ROCK1: variants seen among roughly 807,000 people sequenced by gnomAD.
ROCK1 encodes the protein Rho associated coiled-coil containing protein kinase 1, also known as rho-associated protein kinase 1.
In ROCK1, 36 loss-of-function variants were observed where a neutral mutation model predicts 196.8. That is an observed-to-expected ratio of 0.18 (90% confidence interval 0.14 to 0.24). ROCK1 has a LOEUF of 0.24. Ranked by LOEUF, ROCK1 falls within the 10% of genes least tolerant of loss-of-function variation. ROCK1 has a pLI of 1.00. For synonymous variants in ROCK1, 443 were observed against 515.9 expected (o/e 0.86, Z 1.91); for missense variants, 920 against 1,562.0 (o/e 0.59, Z 6.93).
In ROCK1 at chr18:21,005,215, T is replaced by C. The variant is rs2035758580; in HGVS notation, c.1885+1136A>G. ...CTGAATTTTATTACTATTTAAAAAC[T>C]GTTCATTTATTCACTTAGTTATACT... On this transcript the variant is annotated intron_variant, in intron 16 of 32. Transcript: ENST00000399799. 1.3e-5 allele frequency among the ~76,000 whole-genome samples: 2 copies of C among 152,246 alleles called. 1 individual carries two copies. The highest frequency in any genetic ancestry group is 4.1e-4 in the South Asian group (2 of 4,836).
intron 16 of ROCK1, among the ~76,000 whole-genome samples, chr18:21,001,010 A>G (rs1027634274): frequency 1.3e-4 from 20 of 152,246 alleles, no homozygotes; most frequent in African/African-American, 4.8e-4. Context: ...ATCAATCCAC[A>G]GTAATATTCT....
intron 13 of ROCK1, 50 bp from the exon 14 acceptor site, chr18:21,008,244 T>G (rs2035785329): frequency 7.5e-7 from 1 of 1,325,380 alleles, no homozygotes; most frequent in Non-Finnish European, 1.0e-6. Context: ...CTCTGGTCAT[T>G]CATTCAAGTG....
chr18:21,084,771 C>T (rs1479783256), intron 1 of ROCK1, among the ~76,000 whole-genome samples: 2 of 152,098 alleles, frequency 1.3e-5, no homozygotes, highest in African/African-American at 2.4e-5. Context: ...CCAAAGGAAC[C>T]GAAAGAAGGG....
chr18:21,027,824 C>T (rs1309787771), intron 10 of ROCK1, among the ~76,000 whole-genome samples: 2 of 128,920 alleles, frequency 1.6e-5, no homozygotes, highest in Admixed American at 9.0e-5. Flanking sequence ...TGCAGTGGCG[C>T]GATCTCGGCT....
At chr18:20,957,524 G>C (rs142627136) in intron 29 of ROCK1, among the ~76,000 whole-genome samples, 3 of 148,560 alleles carry the variant, frequency 2.0e-5, no homozygotes, top group African/African-American at 5.0e-5. Context: ...TCTGTCACCC[G>C]GGCTGCAGTG....
intron 2 of ROCK1, among the ~76,000 whole-genome samples, chr18:21,057,246 G>C (rs2036251747): frequency 6.6e-6 from 1 of 152,172 alleles, no homozygotes. Context: ...CTAAGATTCA[G>C]AGAAGTGAAA....
At chr18:20,977,919 C>T (rs2143380303) in intron 22 of ROCK1, among the ~76,000 whole-genome samples, 1 of 152,248 alleles carries the variant, frequency 6.6e-6, no homozygotes, top group East Asian at 1.9e-4. Flanking sequence ...TTTGTGTCTA[C>T]CTTAGCTTCC....
chr18:21,058,406 T>C (rs769753424), intron 2 of ROCK1, among the ~76,000 whole-genome samples: 2 of 152,168 alleles, frequency 1.3e-5, no homozygotes, highest in Non-Finnish European at 2.9e-5. Context: ...TTTTTAAATG[T>C]CACAATAGGT....
chr18:21,028,998 T>C (rs2035984395), intron 9 of ROCK1, 63 bp from the exon 10 acceptor site: 1 of 1,484,632 alleles, frequency 6.7e-7, no homozygotes, highest in Non-Finnish European at 9.2e-7. Flanking sequence ...GTGAAGCACA[T>C]TCCATACCAA....
At chr18:21,102,275 T>A (rs560419687) in intron 1 of ROCK1, among the ~76,000 whole-genome samples, 1 of 152,314 alleles carries the variant, frequency 6.6e-6, no homozygotes, top group East Asian at 1.9e-4. Flanking sequence ...CAGCCTCATA[T>A]CTGAAAACTA....
At chr18:21,080,738 T>C (rs2036476074) in intron 1 of ROCK1, among the ~76,000 whole-genome samples, 3 of 152,186 alleles carry the variant, frequency 2.0e-5, no homozygotes, top group Admixed American at 6.5e-5. Context: ...GTTAAAAAAA[T>C]GGTTAACAGA....
At position 20,971,023 on chromosome 18, in the gene ROCK1, T is replaced by A. The variant is rs569291651; in HGVS notation, c.2655-510A>T. On this transcript the variant is annotated intron_variant, in intron 22 of 32. Coordinates refer to ENST00000399799, the MANE Select transcript of ROCK1 (RefSeq NM_005406.3). ...AATTAAATGAGATTATGAAAACTTATAAGAGATTTGCAAATCACTACAAAC... is the reference window on the plus strand; with the variant it reads ...AATTAAATGAGATTATGAAAACTTAAAAGAGATTTGCAAATCACTACAAAC... Among the ~76,000 whole-genome samples, 11 of 152,264 alleles carry A rather than the reference T, an allele frequency of 7.2e-5. No individual in the cohort carries two copies. In the East Asian group the frequency reaches 1.9e-3, roughly 27 times the overall value.
chr18:21,049,724 A>G, intron 3 of ROCK1, 56 bp downstream of exon 3: 1 of 1,038,082 alleles, frequency 9.6e-7, no homozygotes, highest in Non-Finnish European at 1.5e-6. Flanking sequence ...TTAAACACAC[A>G]AGTGGATTAT....
intron 10 of ROCK1, among the ~76,000 whole-genome samples, chr18:21,028,414 G>A (rs918909704): frequency 7.3e-5 from 11 of 151,724 alleles, no homozygotes; most frequent in South Asian, 4.2e-4. Flanking sequence ...AGACTCCATC[G>A]TGGAAAAAAA....
At chr18:21,110,465 GATTAAC>G (rs2036740973) in intron 1 of ROCK1, among the ~76,000 whole-genome samples, 1 of 152,182 alleles carries the variant, frequency 6.6e-6, no homozygotes, top group Admixed American at 6.5e-5. Flanking sequence ...GGATCAGAAA[GATTAAC>G]ATTAATTACT....
At chr18:21,043,367 T>TA (rs979594700) in intron 6 of ROCK1, among the ~76,000 whole-genome samples, 9 of 151,990 alleles carry the variant, frequency 5.9e-5, no homozygotes, top group African/African-American at 2.2e-4. Context: ...TGTTAGCTGT[T>TA]ACCTATATTC....
chr18:21,066,428 G>A (rs1198223004), intron 2 of ROCK1, among the ~76,000 whole-genome samples: 1 of 151,964 alleles, frequency 6.6e-6, no homozygotes, highest in Non-Finnish European at 1.5e-5. Context: ...ATTACTAAAT[G>A]AGCATTAAAC....
chr18:21,034,908 A>G (rs986191746), intron 9 of ROCK1, among the ~76,000 whole-genome samples: 3 of 152,150 alleles, frequency 2.0e-5, no homozygotes, highest in African/African-American at 7.2e-5. Flanking sequence ...TTTTTAAAGA[A>G]CTCCTATAAC....
In ROCK1 at chr18:21,104,790, C is replaced by T. The variant is rs185380420; in HGVS notation, c.93+6028G>A. ...ATTAGTTCCCAATTGCCTTTTATAT[C>T]CAACTAAACCCTTGGCACAAAGTAT... On this transcript the variant is annotated intron_variant, in intron 1 of 32. Transcript: ENST00000399799. Among the ~76,000 whole-genome samples the T allele has an allele frequency of 8.5e-5, 13 of 152,254 alleles. 1 individual carries two copies. In the East Asian group the frequency reaches 1.9e-3, roughly 23 times the overall value.
Sources: allele counts gnomAD v4.1 joint callset (sites outside exome capture counted in the v4.1 genomes callset), GRCh38; gene constraint gnomAD v4.1.1; transcripts MANE v1.5; gene names NCBI Gene and HGNC (gene_info 2026-07-23, HGNC 2026-07-21).